The following SEC23B variants were observed in gnomAD, a reference collection of about 807,000 sequenced individuals.
The protein encoded by SEC23B is SEC23 homolog B, COPII component, also known as protein transport protein Sec23B.
Under a neutral mutation model 104.3 loss-of-function variants are expected in SEC23B, and 77 were observed. The ratio of observed to expected loss-of-function variants is 0.74; its 90% confidence interval spans 0.61 to 0.89. The LOEUF (loss-of-function observed/expected upper bound fraction) is 0.89. Ranked by LOEUF, SEC23B falls within the 40% of genes least tolerant of loss-of-function variation. The pLI, the probability that SEC23B is intolerant of heterozygous loss-of-function variation, is 0.00. For missense variants in SEC23B, 885 were observed against 949.4 expected, an observed-to-expected ratio of 0.93 and a Z score of 0.89; for synonymous variants, 338 against 332.5, an observed-to-expected ratio of 1.02 and a Z score of -0.18.
chr20:18,524,312 C>T, intron 4 of SEC23B, 121 bp from the exon 5 acceptor site: 1 of 779,494 alleles, frequency 1.3e-6, no homozygotes, highest in Non-Finnish European at 2.3e-6. Context: ...GTATAGATGT[C>T]CTTATCTCCT....
At chr20:18,551,392 G>A (rs2060385732) in intron 17 of SEC23B, among the ~76,000 whole-genome samples, 1 of 152,082 alleles carries the variant, frequency 6.6e-6, no homozygotes, top group African/African-American at 2.4e-5. Context: ...TGGAGTATTT[G>A]TATATTTATT....
chr20:18,543,186 A>G lies in SEC23B; in HGVS notation c.1665+14A>G, dbSNP rs539632601. 6.2e-7 allele frequency: 1 copy of G among 1,614,188 alleles called. No homozygotes were observed. The highest frequency in any genetic ancestry group is 2.2e-5 in the East Asian group (1 of 44,894). The stretch of plus-strand genomic sequence containing the variant: ...CTCATCCGACTGGTAAATTGGGGAC[A>G]GTGGCATTAGGTTCAGTCTTGGTTT... On this transcript the variant is annotated intron_variant, in intron 14 of 19. Coordinates refer to ENST00000650089, the MANE Select transcript of SEC23B (RefSeq NM_006363.6).
Position 18,537,321 on chromosome 20 carries a change from T to C in SEC23B, c.1404+1579T>C, listed in dbSNP as rs967157417. Among the ~76,000 whole-genome samples, 31 of 152,108 alleles carry C rather than the reference T, an allele frequency of 2.0e-4. 1 individual carries two copies. Among genetic ancestry groups the C allele is most frequent in the African/African-American group, 7.5e-4 (31 of 41,466 alleles). ...TTTATTGTGGCTCTATTCACAATAGTAAAGACTTGGAACCAACCCAAATGT... is the reference window on the plus strand; with the variant it reads ...TTTATTGTGGCTCTATTCACAATAGCAAAGACTTGGAACCAACCCAAATGT... On this transcript the variant is annotated intron_variant, in intron 12 of 19. Coordinates refer to ENST00000650089, the MANE Select transcript of SEC23B (RefSeq NM_006363.6).
intron 4 of SEC23B, among the ~76,000 whole-genome samples, chr20:18,517,802 G>C (rs1003333007): frequency 2.0e-5 from 3 of 152,194 alleles, no homozygotes; most frequent in African/African-American, 7.2e-5. Flanking sequence ...TGATGGCCTG[G>C]ATGTGGTTTT....
chr20:18,532,770 C>T (rs780132653), intron 11 of SEC23B, 26 bp downstream of exon 11: 1 of 1,527,672 alleles, frequency 6.5e-7, no homozygotes, highest in Admixed American at 1.7e-5. Context: ...CCATCACCCT[C>T]ACCTCCTGCC....
rs2060017236 is a variant in SEC23B, at chr20:18,515,580, T to C, written c.280-70T>C. The C allele has an allele frequency of 3.2e-6, 3 of 927,326 alleles. No individual in the cohort carries two copies. The Admixed American group carries it at 5.3e-5, about 16-fold the overall frequency. The allele number at this position is 927,326 out of a possible 1,614,324, so 57.4% of individuals were successfully genotyped here. A position where few individuals can be genotyped will look rare whatever the true frequency, so the allele number is the denominator to read the frequency against. On this transcript the variant is annotated intron_variant, in intron 3 of 19. Coordinates refer to ENST00000650089, the MANE Select transcript of SEC23B (RefSeq NM_006363.6). Reference sequence around the variant, plus strand: ...CTCTCGTCTTGGCATCATTATCATTTTTACACATGGAAAATAAAAAGTGTA... The same window carrying C: ...CTCTCGTCTTGGCATCATTATCATTCTTACACATGGAAAATAAAAAGTGTA...
intron 3 of SEC23B, among the ~76,000 whole-genome samples, chr20:18,513,531 T>C (rs6132070): frequency 0.13 from 19,092 of 152,254 alleles, 1,300 homozygotes; most frequent in Admixed American, 0.18. Context: ...TAGTGTACAC[T>C]GTTCTAACAG....
rs147666282 is a variant in SEC23B, at chr20:18,515,458, G to A, written c.280-192G>A. Among the ~76,000 whole-genome samples, 463 of 152,196 alleles carry A rather than the reference G, an allele frequency of 3.0e-3. 3 individuals carry two copies. The highest frequency in any genetic ancestry group is 0.011 in the African/African-American group (448 of 41,518). ...TCTGAGTAGCTGGGACTACAGGTGT[G>A]AGCCACCACGCCCAACTAATGTTTT... On this transcript the variant is annotated intron_variant, in intron 3 of 19. Transcript: ENST00000650089.
At chr20:18,513,200 T>G (rs188841049) in intron 3 of SEC23B, among the ~76,000 whole-genome samples, 25 of 151,466 alleles carry the variant, frequency 1.7e-4, no homozygotes, top group Admixed American at 9.9e-4. Flanking sequence ...AATAAAAAAT[T>G]AGCTGGACAT....
chr20:18,548,113 G>A (rs576589556), intron 15 of SEC23B, among the ~76,000 whole-genome samples: 8 of 151,886 alleles, frequency 5.3e-5, no homozygotes, highest in East Asian at 1.9e-4. Flanking sequence ...CACCACACCC[G>A]GGTAATTTTG....
chr20:18,525,157 T>C (rs1026938122), intron 6 of SEC23B, 137 bp downstream of exon 6: 5 of 898,052 alleles, frequency 5.6e-6, no homozygotes, highest in Non-Finnish European at 8.9e-6. Flanking sequence ...CTAATCAATA[T>C]TCAGTGTTTT....
In SEC23B at chr20:18,543,178, T is replaced by C. The variant is rs371786580; in HGVS notation, c.1665+6T>C. ...ACCGACAACTCATCCGACTGGTAAA[T>C]TGGGGACAGTGGCATTAGGTTCAGT... On this transcript the variant is annotated splice_donor_region_variant and intron_variant, in intron 14 of 19. Coordinates refer to ENST00000650089, the MANE Select transcript of SEC23B (RefSeq NM_006363.6). 1,020 of 1,614,028 alleles carry C rather than the reference T, an allele frequency of 6.3e-4. 3 individuals are homozygous for C. Among genetic ancestry groups the C allele is most frequent in the Non-Finnish European group, 8.2e-4 (963 of 1,180,036 alleles).
chr20:18,519,951 G>T (rs765678668), intron 4 of SEC23B, among the ~76,000 whole-genome samples: 1 of 152,168 alleles, frequency 6.6e-6, no homozygotes, highest in Non-Finnish European at 1.5e-5. Flanking sequence ...GAAGTAATGG[G>T]GGCTGTCCGC....
chr20:18,509,746 C>G (rs1001590749), intron 1 of SEC23B: 1 of 152,248 alleles, frequency 6.6e-6, no homozygotes, highest in African/African-American at 2.4e-5. Flanking sequence ...TGCCACCACA[C>G]CTGGCTAATT....
chr20:18,559,079 G>GA (rs1568628345), intron 19 of SEC23B, among the ~76,000 whole-genome samples: 5 of 139,554 alleles, frequency 3.6e-5, no homozygotes, highest in Non-Finnish European at 6.1e-5. Flanking sequence ...AAGGTGGTTG[G>GA]TGGGGGGGGT....
At chr20:18,537,849 T>C (rs1337001546) in intron 12 of SEC23B, among the ~76,000 whole-genome samples, 1 of 152,214 alleles carries the variant, frequency 6.6e-6, no homozygotes. Flanking sequence ...ACTCTTTTGC[T>C]GGTGGAAGGT....
intron 14 of SEC23B, among the ~76,000 whole-genome samples, chr20:18,544,144 C>T (rs1227655232): frequency 6.6e-6 from 1 of 152,178 alleles, no homozygotes; most frequent in Non-Finnish European, 1.5e-5. Context: ...GGAGCCAGCA[C>T]AAGGCAATAA....
chr20:18,552,525 C>G (rs1350599038), intron 17 of SEC23B, among the ~76,000 whole-genome samples: 1 of 152,130 alleles, frequency 6.6e-6, no homozygotes, highest in Non-Finnish European at 1.5e-5. Flanking sequence ...ATAAAATATA[C>G]AGCACAGGCC....
At position 18,510,948 on chromosome 20, in the gene SEC23B, T is replaced by G. The variant is rs750181418; in HGVS notation, c.113T>G (p.Leu38Arg). The change falls in exon 2 of 20, where the codon CTG becomes CGG. Residue 38 changes from leucine to arginine, a missense_variant. Transcript: ENST00000650089. ...RLEATRMVVPLACLLTPLKER... is the reference protein window; with the variant it reads ...RLEATRMVVPRACLLTPLKER... ...GAGGCTACAAGAATGGTTGTACCCCTGGCTTGTCTCCTTACTCCTTTGAAA... is the reference window on the plus strand; with the variant it reads ...GAGGCTACAAGAATGGTTGTACCCCGGGCTTGTCTCCTTACTCCTTTGAAA... 6.2e-7 allele frequency: 1 copy of G among 1,614,102 alleles called. No homozygotes were observed. Among genetic ancestry groups the G allele is most frequent in the Non-Finnish European group, 8.5e-7 (1 of 1,179,932 alleles).
Sources: gnomAD v4.1 joint callset for allele counts (sites outside exome capture counted in the v4.1 genomes callset) on GRCh38, gnomAD v4.1.1 for gene constraint, MANE v1.5 for transcripts, NCBI Gene and HGNC (gene_info 2026-07-23, HGNC 2026-07-21) for gene names.